The following SRM variants were observed in gnomAD, a reference collection of about 807,000 sequenced individuals.
SRM encodes putrescine aminopropyltransferase.
A neutral mutation model predicts 39.3 loss-of-function variants in SRM; 14 were observed. The observed-to-expected ratio is 0.36, with a 90% confidence interval of 0.24 to 0.56. The LOEUF (loss-of-function observed/expected upper bound fraction) is 0.56, where lower values mean the gene tolerates loss of function less well. SRM is among the 20% of genes least tolerant of loss of function. The probability of loss-of-function intolerance (pLI) is 0.86; values close to 1 mark genes in which losing one functional copy is unlikely to be tolerated. For missense variants in SRM, 244 were observed against 409.2 expected (o/e 0.60, Z 3.48); for synonymous variants, 195 against 173.1 (o/e 1.13, Z -0.99).
chr1:11,057,584 C>T (rs919742367), intron 3 of SRM, among the ~76,000 whole-genome samples: 19 of 149,746 alleles, frequency 1.3e-4, no homozygotes, highest in African/African-American at 4.7e-4. Context: ...TAGAAGGATG[C>T]AATTCCAACC....
In SRM at chr1:11,055,056, G is replaced by C. The variant is rs371054689; in HGVS notation, c.794C>G (p.Pro265Arg). The change falls in exon 7 of 8, where the codon CCG becomes CGG. Residue 265 changes from proline to arginine, a missense_variant. Physicochemically the swap from Pro to Arg is moderately radical, Grantham distance 103. Coordinates refer to ENST00000376957, the MANE Select transcript of SRM (RefSeq NM_003132.3). ...PSTNFQEPVQ[P>R]LTQQQVAQMQ... is the part of the protein sequence containing the mutation. ...CTGCGCCACCTGCTGCTGTGTCAGCGGCTGCACCGGCTCCTGGAAGTTCGT... is the reference window on the plus strand; with the variant it reads ...CTGCGCCACCTGCTGCTGTGTCAGCCGCTGCACCGGCTCCTGGAAGTTCGT... The C allele has an allele frequency of 5.0e-6, 8 of 1,611,560 alleles. 1 individual carries two copies. The South Asian group carries it at 7.7e-5, about 15-fold the overall frequency.
Position 11,058,794 on chromosome 1 carries a change from A to G in SRM, c.381+6T>C, listed in dbSNP as rs1209121519. ...GACTCAAACCTGGCTCTACGCCGGC[A>G]CTCACCTCGTCGATCTCACACTGGA... On this transcript the variant is annotated splice_donor_region_variant and intron_variant, in intron 3 of 7. Coordinates refer to ENST00000376957, the MANE Select transcript of SRM (RefSeq NM_003132.3). 1.2e-6 allele frequency: 2 copies of G among 1,604,234 alleles called. No individual in the cohort carries two copies. The highest frequency in any genetic ancestry group is 1.7e-6 in the Non-Finnish European group (2 of 1,176,330).
Position 11,054,697 on chromosome 1 carries a change from CACAG to C in SRM, c.*164_*167del, listed in dbSNP as rs1418041131. 7 of 983,308 alleles carry C rather than the reference CACAG, an allele frequency of 7.1e-6. No individual in the cohort carries two copies. Among genetic ancestry groups the C allele is most frequent in the African/African-American group, 6.6e-5 (4 of 60,978 alleles). 60.9% of individuals were successfully genotyped at this position (983,308 alleles called of 1,614,324 possible). A position where few individuals can be genotyped will look rare whatever the true frequency, so the allele number is the denominator to read the frequency against. ...AGGTGGAACGCCAGAGAGACAGACA[CACAG>C]ACAGTCCGCCCAGCAGGGCAGGCCG... is the stretch of plus-strand genomic sequence containing the variant. On this transcript the variant is annotated 3_prime_UTR_variant, in exon 8 of 8. Coordinates refer to ENST00000376957, the MANE Select transcript of SRM (RefSeq NM_003132.3). The surrounding 1 kb of genome is among the most constrained non-coding windows in gnomAD (Gnocchi z 4.8).
In SRM at chr1:11,060,008, A is replaced by G. The variant is rs1034673115; in HGVS notation, c.-65T>C. ...GCAGGCCGCGCGGCGCCGCAGCACA[A>G]CGGGACCAGCTCCGCCCGCCGCCCG... On this transcript the variant is annotated 5_prime_UTR_variant, in exon 1 of 8. Transcript: ENST00000376957. 3.1e-5 allele frequency: 27 copies of G among 861,150 alleles called. No individual in the cohort carries two copies. Among genetic ancestry groups the G allele is most frequent in the Middle Eastern group, 1.2e-3 (2 of 1,702 alleles). 53.3% of individuals were successfully genotyped at this position (861,150 alleles called of 1,614,324 possible). A position where few individuals can be genotyped will look rare whatever the true frequency, so the allele number is the denominator to read the frequency against.
rs912499250 is a variant in SRM, at chr1:11,058,799, C to G, written c.381+1G>C. The G allele has an allele frequency of 1.2e-6, 2 of 1,606,494 alleles. No homozygotes were observed. The highest frequency in any genetic ancestry group is 1.7e-6 in the Non-Finnish European group (2 of 1,177,404). On this transcript the variant is annotated splice_donor_variant, in intron 3 of 7. Coordinates refer to ENST00000376957, the MANE Select transcript of SRM (RefSeq NM_003132.3). LOFTEE classifies it high-confidence loss of function. ...AAACCTGGCTCTACGCCGGCACTCA[C>G]CTCGTCGATCTCACACTGGACCACG...
chr1:11,057,227 C>G (rs1483807804), intron 3 of SRM, among the ~76,000 whole-genome samples: 1 of 152,132 alleles, frequency 6.6e-6, no homozygotes, highest in African/African-American at 2.4e-5. Context: ...TCCTTGAGAG[C>G]TGGCTCCTGC....
Position 11,058,835 on chromosome 1 carries a change from A to T in SRM, c.346T>A (p.Ser116Thr), listed in dbSNP as rs1638925606. Reference protein sequence around the residue: ...GVLREVVKHPSVESVVQCEID... With the variant: ...GVLREVVKHPTVESVVQCEID... ...TCACACTGGACCACGGACTCCACGG[A>T]GGGGTGCTTCACCACCTCCCGCAGG... is the stretch of plus-strand genomic sequence containing the variant. Residue 116 changes from serine (S) to threonine (T), a missense_variant, in exon 3 of 8, where the codon TCC becomes ACC. Transcript: ENST00000376957. 1.2e-6 allele frequency: 2 copies of T among 1,611,910 alleles called. No homozygotes were observed. Among genetic ancestry groups the T allele is most frequent in the Non-Finnish European group, 1.7e-6 (2 of 1,179,634 alleles).
At chr1:11,058,286 C>A (rs1424881221) in intron 3 of SRM, among the ~76,000 whole-genome samples, 2 of 149,312 alleles carry the variant, frequency 1.3e-5, no homozygotes, top group Non-Finnish European at 3.0e-5. Flanking sequence ...GTCGGCTGGG[C>A]GTGGTGGCTC....
rs1416005671 is a variant in SRM, at chr1:11,054,660, G to T, written c.*205C>A. 1.8e-5 allele frequency: 12 copies of T among 679,834 alleles called. No homozygotes were observed. The highest frequency in any genetic ancestry group is 2.9e-5 in the Non-Finnish European group (12 of 413,182). The allele number at this position is 679,834 out of a possible 1,614,324, so 42.1% of individuals were successfully genotyped here. A position where few individuals can be genotyped will look rare whatever the true frequency, so the allele number is the denominator to read the frequency against. ...AGAGAGATGGCGCTGTACACAGCTG[G>T]TATAGGCTTGGAGGTGGAACGCCAG... is the stretch of plus-strand genomic sequence containing the variant. On this transcript the variant is annotated 3_prime_UTR_variant, in exon 8 of 8. Coordinates refer to ENST00000376957, the MANE Select transcript of SRM (RefSeq NM_003132.3). The surrounding 1 kb of genome is among the most constrained non-coding windows in gnomAD (Gnocchi z 4.8).
At chr1:11,056,558 C>T (rs1013720806) in intron 4 of SRM, 46 bp downstream of exon 4, 2 of 1,609,702 alleles carry the variant, frequency 1.2e-6, no homozygotes, top group African/African-American at 2.7e-5. Context: ...GGCTGACCTC[C>T]AGACCTGCAG....
chr1:11,058,989 C>A, intron 2 of SRM, 97 bp from the exon 3 acceptor site: 1 of 1,321,210 alleles, frequency 7.6e-7, no homozygotes, highest in Non-Finnish European at 1.0e-6. Flanking sequence ...CCACGGGCCT[C>A]ATCTTTTTCT....
rs370986692 is a variant in SRM, at chr1:11,056,886, AT to A, written c.382-130del. 3.6e-3 allele frequency: 3,225 copies of A among 884,726 alleles called. 42 individuals carry two copies. The highest frequency in any genetic ancestry group is 0.032 in the African/African-American group (1,859 of 58,274). The allele number at this position is 884,726 out of a possible 1,614,324, so 54.8% of individuals were successfully genotyped here. On this transcript the variant is annotated intron_variant, in intron 3 of 7. Transcript: ENST00000376957. ...GCCAACCCCTTCCCTTTTTTTTATT[AT>A]TTTTTTTTGAGACAGGGTCTCACTT...
intron 1 of SRM, 49 bp downstream of exon 1, chr1:11,059,728 C>T (rs1557684037): frequency 3.3e-6 from 5 of 1,533,134 alleles, no homozygotes; most frequent in Non-Finnish European, 4.3e-6. Context: ...GGGCAGCAGG[C>T]GGCCCGGGCT....
intron 2 of SRM, 129 bp from the exon 3 acceptor site, chr1:11,059,021 C>T (rs1638928827): frequency 7.7e-7 from 1 of 1,299,456 alleles, no homozygotes; most frequent in South Asian, 1.4e-5. Flanking sequence ...CGCTTTCGTG[C>T]CGGTGTCCCC....
rs985090633 is a variant in SRM at position 11,054,650 on chromosome 1, T to C, written c.*215A>G. On this transcript the variant is annotated 3_prime_UTR_variant, in exon 8 of 8. Coordinates refer to ENST00000376957, the MANE Select transcript of SRM (RefSeq NM_003132.3). The surrounding 1 kb of genome is among the most constrained non-coding windows in gnomAD (Gnocchi z 4.8). ...AACAGAAGGCAGAGAGATGGCGCTG[T>C]ACACAGCTGGTATAGGCTTGGAGGT... 6 of 648,486 alleles carry C rather than the reference T, an allele frequency of 9.3e-6. No individual in the cohort carries two copies. The African/African-American group carries it at 1.1e-4, about 12-fold the overall frequency. 40.2% of individuals were successfully genotyped at this position (648,486 alleles called of 1,614,324 possible).
At chr1:11,055,177 G>C (rs1638850302) in intron 6 of SRM, 93 bp from the exon 7 acceptor site, 2 of 1,467,254 alleles carry the variant, frequency 1.4e-6, no homozygotes, top group Admixed American at 2.4e-5. Context: ...GAGTGCAGTG[G>C]CGTCATCTCA....
chr1:11,059,181 G>C (rs2100924002), intron 2 of SRM, 44 bp downstream of exon 2: 1 of 1,612,072 alleles, frequency 6.2e-7, no homozygotes, highest in East Asian at 2.2e-5. Context: ...AGCACACCTG[G>C]GGCCGCCCCT....
chr1:11,054,687 GAGAC>G lies in SRM; in HGVS notation c.*174_*177del, dbSNP rs1298164697. On this transcript the variant is annotated 3_prime_UTR_variant, in exon 8 of 8. Transcript: ENST00000376957. The surrounding 1 kb of genome is among the most constrained non-coding windows in gnomAD (Gnocchi z 4.8). Reference sequence around the variant, plus strand: ...ATAGGCTTGGAGGTGGAACGCCAGAGAGACAGACACACAGACAGTCCGCCCAGCA... The same window carrying G: ...ATAGGCTTGGAGGTGGAACGCCAGAGAGACACACAGACAGTCCGCCCAGCA... The G allele has an allele frequency of 9.0e-6, 8 of 889,680 alleles. No homozygotes were observed. The South Asian group carries it at 1.1e-4, about 12-fold the overall frequency. 55.1% of individuals were successfully genotyped at this position (889,680 alleles called of 1,614,324 possible).
intron 6 of SRM, among the ~76,000 whole-genome samples, chr1:11,055,368 C>G (rs1638854790): frequency 6.6e-6 from 1 of 151,060 alleles, no homozygotes; most frequent in African/African-American, 2.4e-5. Context: ...CTTGGTCTCC[C>G]AAAATGCTGG....
Sources: allele counts gnomAD v4.1 joint callset (sites outside exome capture counted in the v4.1 genomes callset), GRCh38; gene constraint gnomAD v4.1.1; non-coding constraint Gnocchi (gnomAD v3.1); transcripts MANE v1.5; gene names NCBI Gene and HGNC (gene_info 2026-07-23, HGNC 2026-07-21).